Variants in HIF1A observed in about 807,000 individuals in gnomAD.
HIF1A encodes hypoxia inducible factor 1 subunit alpha.
HIF1A carries 24 observed loss-of-function variants against 92.7 expected under a neutral mutation model. That is an observed-to-expected ratio of 0.26 (90% CI 0.19 to 0.36). The LOEUF (loss-of-function observed/expected upper bound fraction) is 0.36. Ranked by LOEUF, HIF1A falls within the 10% of genes least tolerant of loss-of-function variation. HIF1A has a pLI of 1.00. For missense variants in HIF1A, 799 were observed against 998.5 expected, an observed-to-expected ratio of 0.80 and a Z score of 2.69; for synonymous variants, 319 against 338.7, an observed-to-expected ratio of 0.94 and a Z score of 0.64.
intron 1 of HIF1A, among the ~76,000 whole-genome samples, chr14:61,711,951 C>A (rs1442224078): frequency 6.6e-6 from 1 of 152,186 alleles, no homozygotes; most frequent in Non-Finnish European, 1.5e-5. Context: ...TTGAATACTT[C>A]TTATGTGTCA....
chr14:61,725,082 C>T (rs1251900266), intron 4 of HIF1A, among the ~76,000 whole-genome samples: 1 of 152,154 alleles, frequency 6.6e-6, no homozygotes, highest in Non-Finnish European at 1.5e-5. Flanking sequence ...CCTTGGAATA[C>T]CCTTCTAACC....
At chr14:61,716,438 C>T (rs1314492239) in intron 1 of HIF1A, among the ~76,000 whole-genome samples, 1 of 152,118 alleles carries the variant, frequency 6.6e-6, no homozygotes, top group Non-Finnish European at 1.5e-5. Context: ...GGTACATTAA[C>T]TTTATTAGAA....
intron 1 of HIF1A, among the ~76,000 whole-genome samples, chr14:61,718,440 T>C (rs916312759): frequency 2.6e-5 from 4 of 152,114 alleles, no homozygotes; most frequent in African/African-American, 4.8e-5. Context: ...AAGTGAGAGA[T>C]TTTCTGTTAG....
chr14:61,713,726 T>C (rs552065774), intron 1 of HIF1A, among the ~76,000 whole-genome samples: 2 of 152,334 alleles, frequency 1.3e-5, no homozygotes, highest in African/African-American at 2.4e-5. Context: ...TTCCCTGAGT[T>C]CTGTGAGCTG....
intron 1 of HIF1A, among the ~76,000 whole-genome samples, chr14:61,719,966 A>C (rs1340748614): frequency 6.6e-6 from 1 of 152,210 alleles, no homozygotes; most frequent in Non-Finnish European, 1.5e-5. Context: ...TTTTCAAGTT[A>C]TTATGTACAA....
chr14:61,724,545 T>C (rs1166557602), intron 4 of HIF1A, among the ~76,000 whole-genome samples: 1 of 152,104 alleles, frequency 6.6e-6, no homozygotes, highest in African/African-American at 2.4e-5. Context: ...CTAGTTCCAT[T>C]ATTCATAGAG....
chr14:61,734,327 G>T, intron 8 of HIF1A, 42 bp downstream of exon 8: 1 of 1,423,438 alleles, frequency 7.0e-7, no homozygotes, highest in South Asian at 1.3e-5. Context: ...GGAACAAATA[G>T]TAATTCTTTT....
At chr14:61,721,474 A>T in intron 2 of HIF1A, 35 bp from the exon 3 acceptor site, 1 of 1,563,926 alleles carries the variant, frequency 6.4e-7, no homozygotes, top group Admixed American at 1.8e-5. Context: ...ACAACTTTTT[A>T]ACTAATTATT....
At chr14:61,717,108 T>A (rs1289204779) in intron 1 of HIF1A, 1 of 152,214 alleles carries the variant, frequency 6.6e-6, no homozygotes, top group East Asian at 1.9e-4. Flanking sequence ...CTGATCTACA[T>A]ATCTTCTGTT....
chr14:61,710,902 T>C (rs996220048), intron 1 of HIF1A, among the ~76,000 whole-genome samples: 1 of 151,734 alleles, frequency 6.6e-6, no homozygotes, highest in African/African-American at 2.4e-5. Flanking sequence ...CTAGTAAAAA[T>C]ACAAAAAATT....
intron 1 of HIF1A, 77 bp downstream of exon 1, chr14:61,695,916 G>A (rs2044108219): frequency 7.1e-7 from 1 of 1,410,394 alleles, no homozygotes; most frequent in Non-Finnish European, 9.8e-7. Context: ...TCCTGGGCCG[G>A]CCTCGGCGTT....
At chr14:61,718,300 A>C (rs1208722621) in intron 1 of HIF1A, among the ~76,000 whole-genome samples, 1 of 152,194 alleles carries the variant, frequency 6.6e-6, no homozygotes, top group Non-Finnish European at 1.5e-5. Context: ...TGGCATTTGA[A>C]CTAATATTCA....
At chr14:61,700,317 C>T (rs2044163845) in intron 1 of HIF1A, among the ~76,000 whole-genome samples, 1 of 152,124 alleles carries the variant, frequency 6.6e-6, no homozygotes, top group African/African-American at 2.4e-5. Flanking sequence ...TCCCCCTCTC[C>T]TCAGCCTCTG....
In HIF1A at chr14:61,726,766, GTACCC is replaced by G. The variant is rs1324173476; in HGVS notation, c.521_525del (p.Thr174AsnfsTer2). 1 of 1,609,242 alleles carries G rather than the reference GTACCC, an allele frequency of 6.2e-7. No homozygotes were observed. The highest frequency in any genetic ancestry group is 1.7e-5 in the Admixed American group (1 of 59,156). On this transcript the variant is annotated frameshift_variant, in exon 5 of 15. Coordinates refer to ENST00000337138, the MANE Select transcript of HIF1A (RefSeq NM_001530.4). LOFTEE classifies it high-confidence loss of function. ...CGAAGCTTTTTTCTCAGAATGAAGT[GTACCC>G]TAACTAGCCGAGGAAGAACTATGAA...
chr14:61,712,958 G>GAA lies in HIF1A; in HGVS notation c.36-7411_36-7410dup, dbSNP rs547316183. 6.5e-4 allele frequency among the ~76,000 whole-genome samples: 79 copies of GAA among 121,362 alleles called. 1 individual carries two copies. In the East Asian group the frequency reaches 0.01, roughly 16 times the overall value. 79.6% of individuals were successfully genotyped at this position (121,362 alleles called of 152,430 possible). ...AGAGGACCAGTTTTGGAAGCCAGAGGAAAAAAAAAAAAAACAGAAACAAAA... is the reference window on the plus strand; with the variant it reads ...AGAGGACCAGTTTTGGAAGCCAGAGGAAAAAAAAAAAAAAAACAGAAACAAAA... On this transcript the variant is annotated intron_variant, in intron 1 of 14. Coordinates refer to ENST00000337138, the MANE Select transcript of HIF1A (RefSeq NM_001530.4).
intron 10 of HIF1A, among the ~76,000 whole-genome samples, chr14:61,738,731 C>G (rs992191550): frequency 1.3e-5 from 2 of 151,988 alleles, no homozygotes; most frequent in Admixed American, 6.6e-5. Flanking sequence ...ACCTGTTACC[C>G]CTTTTAGTTT....
intron 1 of HIF1A, among the ~76,000 whole-genome samples, chr14:61,707,101 A>G (rs2044247030): frequency 6.6e-6 from 1 of 152,320 alleles, no homozygotes; most frequent in Admixed American, 6.5e-5. Context: ...ACTAGTTTTG[A>G]GCGTTGCTCT....
intron 1 of HIF1A, among the ~76,000 whole-genome samples, chr14:61,710,394 G>C (rs959156748): frequency 2.0e-5 from 3 of 152,158 alleles, no homozygotes; most frequent in Non-Finnish European, 4.4e-5. Context: ...ACCGTGTCCT[G>C]TTCTGGGAAG....
At chr14:61,738,029 G>GT (rs895655861) in intron 9 of HIF1A, 58 bp from the exon 10 acceptor site, 41 of 1,280,732 alleles carry the variant, frequency 3.2e-5, no homozygotes, top group Non-Finnish European at 4.2e-5. Context: ...TCTGTCTTGG[G>GT]TAAAAAAAAA....
Sources: gnomAD v4.1 joint callset for allele counts (sites outside exome capture counted in the v4.1 genomes callset) on GRCh38, gnomAD v4.1.1 for gene constraint, MANE v1.5 for transcripts, NCBI Gene and HGNC (gene_info 2026-07-23, HGNC 2026-07-21) for gene names.